TTC21B: variants seen among roughly 807,000 people sequenced by gnomAD.
The protein encoded by TTC21B is tetratricopeptide repeat domain 21B, also known as tetratricopeptide repeat protein 21B.
Under a neutral mutation model 175.1 loss-of-function variants are expected in TTC21B, and 127 were observed. The observed-to-expected ratio is 0.73, with a 90% CI of 0.63 to 0.84. The LOEUF is 0.84. TTC21B is among the 40% of genes least tolerant of loss of function. The pLI is 0.00. For missense variants in TTC21B, 1,561 were observed against 1,558.3 expected (o/e 1.00, Z -0.03); for synonymous variants, 524 against 524.5 (o/e 1.00, Z 0.01).
intron 12 of TTC21B, among the ~76,000 whole-genome samples, chr2:165,923,839 C>T (rs1272441008): frequency 6.7e-6 from 1 of 150,006 alleles, no homozygotes; most frequent in Non-Finnish European, 1.5e-5. Context: ...CAGCCTCAAC[C>T]TCCCTGGGCT....
At chr2:165,907,530 A>T (rs1446911893) in intron 19 of TTC21B, 148 bp downstream of exon 19, 1 of 654,836 alleles carries the variant, frequency 1.5e-6, no homozygotes, top group East Asian at 2.9e-5. Context: ...AAAATGTATA[A>T]TTCATAAGCA....
intron 22 of TTC21B, among the ~76,000 whole-genome samples, chr2:165,891,660 C>T (rs1685199274): frequency 6.6e-6 from 1 of 152,008 alleles, no homozygotes; most frequent in Admixed American, 6.6e-5. Flanking sequence ...TCCTAGAAAG[C>T]CTTCTTCCAA....
chr2:165,898,603 C>G (rs942237185), intron 22 of TTC21B, 83 bp downstream of exon 22: 3 of 927,952 alleles, frequency 3.2e-6, no homozygotes, highest in South Asian at 1.3e-5. Context: ...GGAGTTTGCC[C>G]GAGGGCATAA....
At chr2:165,899,494 G>C (rs1685481426) in intron 21 of TTC21B, among the ~76,000 whole-genome samples, 1 of 151,978 alleles carries the variant, frequency 6.6e-6, no homozygotes, top group African/African-American at 2.4e-5. Flanking sequence ...GTTACCACAT[G>C]AACTCCACCT....
chr2:165,902,114 A>G (rs1372900782), intron 19 of TTC21B, among the ~76,000 whole-genome samples: 1 of 152,202 alleles, frequency 6.6e-6, no homozygotes, highest in East Asian at 1.9e-4. Context: ...CTTTCCAACA[A>G]AACACTTATG....
chr2:165,930,396 A>G, intron 8 of TTC21B, 32 bp from the exon 9 acceptor site: 1 of 1,488,584 alleles, frequency 6.7e-7, no homozygotes, highest in East Asian at 2.3e-5. Context: ...GTAAGATTTC[A>G]AAGTCTAACA....
At chr2:165,950,070 T>TAAAAAAAA (rs769740344) in intron 1 of TTC21B, among the ~76,000 whole-genome samples, 16 of 128,822 alleles carry the variant, frequency 1.2e-4, no homozygotes, top group East Asian at 2.2e-4. Context: ...AAACAGGAAC[T>TAAAAAAAA]AAAAAAAAAA....
Position 165,929,255 on chromosome 2 carries a change from GA to G in TTC21B, c.1265del (p.Val422AlafsTer9). On this transcript the variant is annotated frameshift_variant, in exon 11 of 29. Transcript: ENST00000243344. LOFTEE classifies it high-confidence loss of function. ...CTAATTGTGAAAAGTGAGTGTCCAG[GA>G]CATCATTTAACAAATTAATAACTTC... ...QEEVINLLND[V>X]LDTHFSQLEG... The G allele has an allele frequency of 6.2e-7, 1 of 1,612,816 alleles. No individual in the cohort carries two copies. The highest frequency in any genetic ancestry group is 1.1e-5 in the South Asian group (1 of 91,028).
At chr2:165,884,088 G>A (rs1559038487) in intron 25 of TTC21B, 70 bp from the exon 26 acceptor site, 2 of 1,223,568 alleles carry the variant, frequency 1.6e-6, no homozygotes, top group Non-Finnish European at 2.4e-6. Flanking sequence ...ACAGAAAGCA[G>A]AAAATGCTAC....
chr2:165,949,195 GAACACGAA>G, intron 3 of TTC21B, 191 bp downstream of exon 3: 2 of 588,360 alleles, frequency 3.4e-6, no homozygotes, highest in South Asian at 4.1e-5. Flanking sequence ...AGGATATAAG[GAACACGAA>G]AATAGTATAA....
At chr2:165,935,050 G>A (rs539088377) in intron 6 of TTC21B, among the ~76,000 whole-genome samples, 5 of 152,262 alleles carry the variant, frequency 3.3e-5, no homozygotes, top group East Asian at 1.9e-4. Flanking sequence ...TATGAAAAGT[G>A]GAATGACTTC....
intron 13 of TTC21B, among the ~76,000 whole-genome samples, chr2:165,918,868 A>T (rs1030758165): frequency 1.3e-5 from 2 of 152,212 alleles, no homozygotes; most frequent in African/African-American, 2.4e-5. Context: ...ATCTAAAAAG[A>T]AGTTATTAAA....
intron 11 of TTC21B, among the ~76,000 whole-genome samples, chr2:165,926,495 T>C (rs980172697): frequency 1.3e-5 from 2 of 152,140 alleles, no homozygotes; most frequent in African/African-American, 2.4e-5. Flanking sequence ...CAGCCACATT[T>C]GTCTCCTCGT....
chr2:165,896,883 TTTTGTTTG>T (rs530664099), intron 22 of TTC21B, among the ~76,000 whole-genome samples: 2 of 152,254 alleles, frequency 1.3e-5, no homozygotes, highest in South Asian at 2.1e-4. Context: ...CTAAGGGTTT[TTTTGTTTG>T]TTTGTTTGTT....
rs560373131 is a variant in TTC21B at position 165,951,753 on chromosome 2, C to G, written c.21+1932G>C. Among the ~76,000 whole-genome samples the G allele has an allele frequency of 3.0e-4, 46 of 152,274 alleles. No individual in the cohort carries two copies. In the East Asian group the frequency reaches 8.3e-3, roughly 27 times the overall value. ...GAGTAAGACATGGTTCCTGTCCCCC[C>G]GGAAAACCTACATTTTTCAGATGAG... On this transcript the variant is annotated intron_variant, in intron 1 of 28. Transcript: ENST00000243344.
At chr2:165,878,191 T>C (rs541970829) in intron 27 of TTC21B, among the ~76,000 whole-genome samples, 11 of 152,348 alleles carry the variant, frequency 7.2e-5, no homozygotes, top group African/African-American at 2.6e-4. Flanking sequence ...GCATTCACTA[T>C]ATTATAATCA....
intron 25 of TTC21B, among the ~76,000 whole-genome samples, chr2:165,887,605 C>T (rs1253375201): frequency 4.0e-5 from 6 of 151,316 alleles, no homozygotes; most frequent in Non-Finnish European, 5.9e-5. Flanking sequence ...GAGAATTGCC[C>T]GAACCTGGGA....
rs1297581820 is a variant in TTC21B, at chr2:165,899,848, T to G, written c.2790A>C (p.Ala930=). Reference sequence around the variant, plus strand: ...GCAGGCAGGAATCAGGGTCATCTTGTGCCAGGTATAATCGTGCCAGTTCCA... The same window carrying G: ...GCAGGCAGGAATCAGGGTCATCTTGGGCCAGGTATAATCGTGCCAGTTCCA... The part of the protein sequence containing the change: ...IMLELARLYL[A]QDDPDSCLRQ... Residue 930 remains alanine, a synonymous_variant, in exon 21 of 29, where the codon GCA becomes GCC. Transcript: ENST00000243344. 1.3e-5 allele frequency: 21 copies of G among 1,613,540 alleles called. No individual in the cohort carries two copies. Among genetic ancestry groups the G allele is most frequent in the Non-Finnish European group, 1.8e-5 (21 of 1,179,836 alleles).
At chr2:165,888,096 A>G (rs1231893795) in intron 25 of TTC21B, among the ~76,000 whole-genome samples, 183 bp downstream of exon 25, 3 of 152,216 alleles carry the variant, frequency 2.0e-5, no homozygotes, top group Admixed American at 6.5e-5. Flanking sequence ...CAACACAACA[A>G]AACAGTAACA....
Sources: allele counts gnomAD v4.1 joint callset (sites outside exome capture counted in the v4.1 genomes callset), GRCh38; gene constraint gnomAD v4.1.1; transcripts MANE v1.5; gene names NCBI Gene and HGNC (gene_info 2026-07-23, HGNC 2026-07-21).